CCDC138: variants seen among roughly 807,000 people sequenced by gnomAD.
CCDC138 encodes coiled-coil domain containing 138.
A neutral mutation model predicts 82.3 loss-of-function variants in CCDC138; 66 were observed. The ratio of observed to expected loss-of-function variants is 0.80; its 90% CI spans 0.66 to 0.98. The LOEUF is 0.98. CCDC138 is among the 50% of genes least tolerant of loss of function. The probability of loss-of-function intolerance (pLI) is 0.00; values close to 1 mark genes in which losing one functional copy is unlikely to be tolerated. For missense variants in CCDC138, 816 were observed against 758.9 expected (o/e 1.08, Z -0.88); for synonymous variants, 297 against 265.4 (o/e 1.12, Z -1.16).
rs540279874 is a variant in CCDC138, at chr2:108,791,722, CAGA to C, written c.321_323del (p.Glu108del). ...TTCCATGATTTGAAGAAACAGGAAA[CAGA>C]AGAAGAGTTAATTGAAAATGATTAT... On this transcript the variant is annotated inframe_deletion, in exon 4 of 15. Coordinates refer to ENST00000295124, the MANE Select transcript of CCDC138 (RefSeq NM_144978.3). The C allele has an allele frequency of 2.9e-5, 47 of 1,606,512 alleles. 1 individual carries two copies. In the South Asian group the frequency reaches 3.0e-4, roughly 10 times the overall value.
intron 5 of CCDC138, 56 bp downstream of exon 5, chr2:108,794,777 G>A (rs1680577323): frequency 7.5e-7 from 1 of 1,333,014 alleles, no homozygotes; most frequent in Non-Finnish European, 1.0e-6. Flanking sequence ...TAAGAACCAA[G>A]CATTTACGAA....
At chr2:108,862,260 G>A (rs1470606676) in intron 13 of CCDC138, among the ~76,000 whole-genome samples, 2 of 151,976 alleles carry the variant, frequency 1.3e-5, no homozygotes, top group African/African-American at 4.8e-5. Flanking sequence ...ATTTACAAAT[G>A]GGTTATCTTA....
intron 13 of CCDC138, among the ~76,000 whole-genome samples, chr2:108,858,804 G>T (rs1157055567): frequency 6.6e-6 from 1 of 151,870 alleles, no homozygotes; most frequent in Non-Finnish European, 1.5e-5. Flanking sequence ...CGTCATTTAG[G>T]ATAATGGCAT....
At chr2:108,815,667 G>A (rs1684660186) in intron 9 of CCDC138, among the ~76,000 whole-genome samples, 2 of 151,790 alleles carry the variant, frequency 1.3e-5, no homozygotes, top group South Asian at 4.2e-4. Flanking sequence ...TTGCCATGTT[G>A]GACAGGCTGG....
downstream of CCDC138, among the ~76,000 whole-genome samples, chr2:108,880,221 AAAC>A (rs1324940194): frequency 3.1e-4 from 1 of 3,252 alleles, no homozygotes; most frequent in African/African-American, 2.6e-3. Context: ...AAACAAAAAC[AAAC>A]AAAAAAAAAA....
At chr2:108,815,090 T>C (rs1406724894) in intron 9 of CCDC138, among the ~76,000 whole-genome samples, 1 of 152,152 alleles carries the variant, frequency 6.6e-6, no homozygotes, top group African/African-American at 2.4e-5. Flanking sequence ...TTATTTTACT[T>C]TTCATTTTGG....
At chr2:108,879,702 A>T (rs1696236028), downstream of CCDC138, among the ~76,000 whole-genome samples, 1 of 152,182 alleles carries the variant, frequency 6.6e-6, no homozygotes. Context: ...TTATAGATCA[A>T]AAAAGAAATG....
In CCDC138 at chr2:108,807,457, A is replaced by G. The variant is rs13019059; in HGVS notation, c.855+2449A>G. Among the ~76,000 whole-genome samples, 394 of 152,334 alleles carry G rather than the reference A, an allele frequency of 2.6e-3. 2 individuals are homozygous for G. The highest frequency in any genetic ancestry group is 5.1e-3 in the Non-Finnish European group (349 of 68,032). Reference sequence around the variant, plus strand: ...TACAGTAATGTGTAATGATCACAGTAATTAGCTAATCCATCAGCTCAAACA... The same window carrying G: ...TACAGTAATGTGTAATGATCACAGTGATTAGCTAATCCATCAGCTCAAACA... On this transcript the variant is annotated intron_variant, in intron 7 of 14. Transcript: ENST00000295124.
Position 108,869,884 on chromosome 2 carries a change from G to A in CCDC138, c.1694-3567G>A, listed in dbSNP as rs191374347. ...TGTCAGATTTTCAGCAAAAAAAATC[G>A]TAGAACACGCAAAGAAAGGATGAAA... is the stretch of plus-strand genomic sequence containing the variant. On this transcript the variant is annotated intron_variant, in intron 13 of 14. Transcript: ENST00000295124. Among the ~76,000 whole-genome samples the A allele has an allele frequency of 2.6e-5, 4 of 152,202 alleles. No homozygotes were observed. The East Asian group carries it at 5.8e-4, about 22-fold the overall frequency.
In CCDC138 at chr2:108,857,067, T is replaced by C. The variant is rs922108854; in HGVS notation, c.1693+97T>C. 42 of 20,906 alleles carry C rather than the reference T, an allele frequency of 2.0e-3. 1 individual carries two copies. The highest frequency in any genetic ancestry group is 3.9e-3 in the Non-Finnish European group (39 of 9,900). 1.3% of individuals were successfully genotyped at this position (20,906 alleles called of 1,614,324 possible). ...AACTCCACATATCAGATACTATTGC[T>C]TTTTTTTTTTTTTTTTTTTTTTTTT... On this transcript the variant is annotated intron_variant, in intron 13 of 14. Coordinates refer to ENST00000295124, the MANE Select transcript of CCDC138 (RefSeq NM_144978.3).
At chr2:108,843,886 CTTTTTTTT>C (rs57196170) in intron 11 of CCDC138, among the ~76,000 whole-genome samples, 4 of 94,018 alleles carry the variant, frequency 4.3e-5, no homozygotes, top group Non-Finnish European at 7.6e-5. Flanking sequence ...GTGTTTCTTT[CTTTTTTTT>C]TTTTTTTTTT....
chr2:108,851,927 AATTGT>A (rs1386932677), intron 12 of CCDC138, among the ~76,000 whole-genome samples: 1 of 152,206 alleles, frequency 6.6e-6, no homozygotes, highest in Non-Finnish European at 1.5e-5. Context: ...AAAGGTAGAT[AATTGT>A]GCCAAAACGA....
At chr2:108,794,990 A>G (rs529867808) in intron 5 of CCDC138, among the ~76,000 whole-genome samples, 12 of 152,088 alleles carry the variant, frequency 7.9e-5, no homozygotes, top group Non-Finnish European at 1.8e-4. Context: ...ATCCTTACTT[A>G]AGTAATAAAA....
At chr2:108,819,266 G>C (rs768931296) in intron 10 of CCDC138, among the ~76,000 whole-genome samples, 2 of 152,196 alleles carry the variant, frequency 1.3e-5, no homozygotes, top group African/African-American at 2.4e-5. Flanking sequence ...GTGGCATTTT[G>C]CATGTGTGTT....
At chr2:108,858,972 T>C (rs920110207) in intron 13 of CCDC138, among the ~76,000 whole-genome samples, 1 of 152,208 alleles carries the variant, frequency 6.6e-6, no homozygotes, top group Non-Finnish European at 1.5e-5. Flanking sequence ...ATACAGCTGC[T>C]GCAATAAGCA....
At chr2:108,819,669 A>G (rs190794488) in intron 10 of CCDC138, among the ~76,000 whole-genome samples, 185 of 152,318 alleles carry the variant, frequency 1.2e-3, no homozygotes, top group African/African-American at 4.4e-3. Context: ...CAAAACCTCT[A>G]ACTGGGCTGA....
chr2:108,816,730 G>T (rs2149943366), intron 10 of CCDC138, among the ~76,000 whole-genome samples: 1 of 152,216 alleles, frequency 6.6e-6, no homozygotes, highest in South Asian at 2.1e-4. Context: ...GGGTCTCCTT[G>T]TGTCACCTAG....
At chr2:108,819,949 G>C (rs1238215395) in intron 10 of CCDC138, among the ~76,000 whole-genome samples, 1 of 152,148 alleles carries the variant, frequency 6.6e-6, no homozygotes, top group Non-Finnish European at 1.5e-5. Flanking sequence ...GCAAAGTCAG[G>C]AAAATGATGC....
At chr2:108,825,114 G>A (rs909741626) in intron 10 of CCDC138, among the ~76,000 whole-genome samples, 2 of 152,172 alleles carry the variant, frequency 1.3e-5, no homozygotes, top group African/African-American at 4.8e-5. Context: ...AGGAATGTGA[G>A]ATAGTTAACT....
Sources: allele counts gnomAD v4.1 joint callset (sites outside exome capture counted in the v4.1 genomes callset), GRCh38; gene constraint gnomAD v4.1.1; transcripts MANE v1.5; gene names NCBI Gene and HGNC (gene_info 2026-07-23, HGNC 2026-07-21).